Variants in AGAP1 observed in about 807,000 individuals in gnomAD.
The protein encoded by AGAP1 is ArfGAP with GTPase domain, ankyrin repeat and PH domain 1, also known as arf-GAP with GTPase, ANK repeat and PH domain-containing protein 1.
AGAP1 carries 29 observed loss-of-function variants against 105.3 expected under a neutral mutation model. The observed-to-expected ratio is 0.28, with a 90% CI of 0.21 to 0.38. The LOEUF (loss-of-function observed/expected upper bound fraction) is 0.38. Ranked by LOEUF, AGAP1 falls within the 10% of genes least tolerant of loss-of-function variation. The probability of loss-of-function intolerance (pLI) is 1.00; values close to 1 mark genes in which losing one functional copy is unlikely to be tolerated. For synonymous variants in AGAP1, 509 were observed against 485.9 expected, an observed-to-expected ratio of 1.05 and a Z score of -0.63; for missense variants, 998 against 1,165.1, an observed-to-expected ratio of 0.86 and a Z score of 2.09.
rs1044270870 is a variant in AGAP1, at chr2:235,843,103, C to CT, written c.1050+35774dup. The stretch of plus-strand genomic sequence containing the variant: ...AAGTGCTCATTGTCCTGTTGCCACC[C>CT]TTGTCGGTTTTTCACCCTGCAGCCC... On this transcript the variant is annotated intron_variant, in intron 9 of 17. Coordinates refer to ENST00000304032, the MANE Select transcript of AGAP1 (RefSeq NM_001037131.3). The surrounding 1 kb of genome is among the most constrained non-coding windows in gnomAD (Gnocchi z 5.9). Among the ~76,000 whole-genome samples the CT allele has an allele frequency of 2.0e-5, 3 of 152,204 alleles. No individual in the cohort carries two copies. Among genetic ancestry groups the CT allele is most frequent in the African/African-American group, 7.2e-5 (3 of 41,462 alleles).
Position 235,642,553 on chromosome 2 carries a change from A to G in AGAP1, c.164-66626A>G, listed in dbSNP as rs940467410. 6.6e-6 allele frequency among the ~76,000 whole-genome samples: 1 copy of G among 152,082 alleles called. No individual in the cohort carries two copies. Among genetic ancestry groups the G allele is most frequent in the Admixed American group, 6.5e-5 (1 of 15,270 alleles). On this transcript the variant is annotated intron_variant, in intron 1 of 17. Coordinates refer to ENST00000304032, the MANE Select transcript of AGAP1 (RefSeq NM_001037131.3). The surrounding 1 kb of genome is among the most constrained non-coding windows in gnomAD (Gnocchi z 4.1). ...TTCTCCACCTTCCACTTGTCCTAAC[A>G]GCTGTCGGGACCATCATCCACCAGG...
chr2:235,630,695 G>T (rs1946799536), intron 1 of AGAP1, among the ~76,000 whole-genome samples: 1 of 152,186 alleles, frequency 6.6e-6, no homozygotes, highest in Non-Finnish European at 1.5e-5. Flanking sequence ...CAAGTTAATT[G>T]GTCCTGCTCC....
chr2:235,882,409 G>C lies in AGAP1; in HGVS notation c.1051-936G>C. ...TGCCCAGTGGTCTCTTTGGTCGGCA[G>C]GGTGTTCTTCTCCTGCGTCTCCGTT... On this transcript the variant is annotated intron_variant, in intron 9 of 17. Coordinates refer to ENST00000304032, the MANE Select transcript of AGAP1 (RefSeq NM_001037131.3). The surrounding 1 kb of genome is among the most constrained non-coding windows in gnomAD (Gnocchi z 4.6). The C allele has an allele frequency of 6.3e-7, 1 of 1,582,672 alleles. No individual in the cohort carries two copies. The highest frequency in any genetic ancestry group is 8.7e-7 in the Non-Finnish European group (1 of 1,155,714).
intron 13 of AGAP1, among the ~76,000 whole-genome samples, chr2:236,022,723 T>C (rs907354712): frequency 2.0e-5 from 3 of 152,074 alleles, no homozygotes; most frequent in African/African-American, 4.8e-5. Context: ...TTGGTAGAGA[T>C]GGAATTTTGC....
chr2:236,026,263 C>T (rs1345268585), intron 13 of AGAP1, among the ~76,000 whole-genome samples: 3 of 152,194 alleles, frequency 2.0e-5, no homozygotes, highest in African/African-American at 7.2e-5. Flanking sequence ...AGGGACATCA[C>T]GTGCTCCAGT....
In AGAP1 at chr2:235,665,069, A is replaced by T. The variant is rs193209780; in HGVS notation, c.164-44110A>T. Among the ~76,000 whole-genome samples, 594 of 152,280 alleles carry T rather than the reference A, an allele frequency of 3.9e-3. 3 individuals are homozygous for T. Among genetic ancestry groups the T allele is most frequent in the African/African-American group, 0.013 (549 of 41,556 alleles). ...GACCCTCCTCTCTACAAAAAAATTT[A>T]AAAATTAGCCAGGGGTGGTGACATG... On this transcript the variant is annotated intron_variant, in intron 1 of 17. Coordinates refer to ENST00000304032, the MANE Select transcript of AGAP1 (RefSeq NM_001037131.3). The surrounding 1 kb of genome is among the most constrained non-coding windows in gnomAD (Gnocchi z 5.3).
In AGAP1 at chr2:236,073,081, C is replaced by T. The variant is rs2058546282; in HGVS notation, c.2114+23800C>T. ...TGCAATCTCAGCTCACTGCAACTTC[C>T]GCCTCCCAGATTCGAGCGATTCTCC... On this transcript the variant is annotated intron_variant, in intron 16 of 17. Coordinates refer to ENST00000304032, the MANE Select transcript of AGAP1 (RefSeq NM_001037131.3). The surrounding 1 kb of genome is among the most constrained non-coding windows in gnomAD (Gnocchi z 5.4). 6.6e-6 allele frequency among the ~76,000 whole-genome samples: 1 copy of T among 151,974 alleles called. No homozygotes were observed. Among genetic ancestry groups the T allele is most frequent in the Admixed American group, 6.6e-5 (1 of 15,242 alleles).
At position 235,733,517 on chromosome 2, in the gene AGAP1, G is replaced by GGCTTTAATGTTTCCTCCTTTCCT. The variant is rs1437375820; in HGVS notation, c.311-7432_311-7431insTCCTTTCCTGCTTTAATGTTTCC. ...TTGGATGGTGAAGTTCCTTCCTTCT[G>GGCTTTAATGTTTCCTCCTTTCCT]GCTTTAATGTTTCCCCCTTGTTTTA... On this transcript the variant is annotated intron_variant, in intron 3 of 17. Coordinates refer to ENST00000304032, the MANE Select transcript of AGAP1 (RefSeq NM_001037131.3). The surrounding 1 kb of genome is among the most constrained non-coding windows in gnomAD (Gnocchi z 5.0). Among the ~76,000 whole-genome samples, 1 of 152,146 alleles carries GGCTTTAATGTTTCCTCCTTTCCT rather than the reference G, an allele frequency of 6.6e-6. No homozygotes were observed. The highest frequency in any genetic ancestry group is 1.5e-5 in the Non-Finnish European group (1 of 68,024).
At chr2:235,881,386 A>G (rs1028002346) in intron 9 of AGAP1, among the ~76,000 whole-genome samples, 3 of 152,186 alleles carry the variant, frequency 2.0e-5, no homozygotes, top group Admixed American at 6.5e-5. Flanking sequence ...TGTATTTCAA[A>G]ACTCATAACT....
At chr2:235,894,634 T>TACACACACACAC in intron 10 of AGAP1, among the ~76,000 whole-genome samples, 1 of 24,260 alleles carries the variant, frequency 4.1e-5, no homozygotes, top group South Asian at 1.1e-3. Context: ...CATGCACATG[T>TACACACACACAC]ACACACACAC....
chr2:235,891,187 T>C lies in AGAP1; in HGVS notation c.1155+7738T>C, dbSNP rs374422211. On this transcript the variant is annotated intron_variant, in intron 10 of 17. Transcript: ENST00000304032. This position sits in a 1 kb window ranked among gnomAD's most constrained non-coding sequence, Gnocchi z 4.2. ...GACCTGGCCGCACTTGCTGCAGTAC[T>C]GACCGCCCTAACAGCTCCTTTATCT... Among the ~76,000 whole-genome samples, 12 of 152,298 alleles carry C rather than the reference T, an allele frequency of 7.9e-5. No individual in the cohort carries two copies. The highest frequency in any genetic ancestry group is 2.9e-4 in the African/African-American group (12 of 41,572).
At chr2:235,538,460 T>TGTGTGTGTGTGTGTGCGC (rs1553561884) in intron 1 of AGAP1, among the ~76,000 whole-genome samples, 5 of 150,446 alleles carry the variant, frequency 3.3e-5, no homozygotes, top group African/African-American at 1.0e-4. Flanking sequence ...TGTGTGTGTG[T>TGTGTGTGTGTGTGTGCGC]GCATGCTTGT....
At chr2:235,782,612 C>T (rs1403234046) in intron 6 of AGAP1, among the ~76,000 whole-genome samples, 1 of 152,070 alleles carries the variant, frequency 6.6e-6, no homozygotes, top group Non-Finnish European at 1.5e-5. Context: ...AATGAATTTG[C>T]AAAAGCATCA....
chr2:236,011,233 T>C (rs2056503051), intron 13 of AGAP1, among the ~76,000 whole-genome samples: 1 of 152,210 alleles, frequency 6.6e-6, no homozygotes, highest in Non-Finnish European at 1.5e-5. Context: ...GGGACAGTGC[T>C]GTCCTCCCAC....
chr2:235,745,877 C>T (rs13387811), intron 5 of AGAP1, among the ~76,000 whole-genome samples: 3,292 of 152,322 alleles, frequency 0.022, 103 homozygotes, highest in African/African-American at 0.068. Context: ...CCTGTAATTC[C>T]AGCACTTTGG....
At chr2:235,948,169 G>T (rs534876068) in intron 12 of AGAP1, among the ~76,000 whole-genome samples, 19 of 151,966 alleles carry the variant, frequency 1.3e-4, no homozygotes, top group East Asian at 1.2e-3. Flanking sequence ...GTTTTCTGGG[G>T]TTTTTTTTGT....
At position 235,750,586 on chromosome 2, in the gene AGAP1, A is replaced by AAAT. The variant is rs1266776314; in HGVS notation, c.673+100_673+102dup. On this transcript the variant is annotated intron_variant, in intron 6 of 17. Transcript: ENST00000304032. The surrounding 1 kb of genome is among the most constrained non-coding windows in gnomAD (Gnocchi z 5.3). ...CTGCACTTGTGCATGTGGGTGGTGG[A>AAAT]AATATGTCGTTGATGGGTGGGCATT... is the stretch of plus-strand genomic sequence containing the variant. The AAAT allele has an allele frequency of 5.8e-6, 9 of 1,564,566 alleles. No homozygotes were observed. Among genetic ancestry groups the AAAT allele is most frequent in the Non-Finnish European group, 7.9e-6 (9 of 1,141,404 alleles).
At position 235,865,419 on chromosome 2, in the gene AGAP1, T is replaced by C. The variant is rs1394702461; in HGVS notation, c.1051-17926T>C. Among the ~76,000 whole-genome samples the C allele has an allele frequency of 6.6e-6, 1 of 152,180 alleles. No individual in the cohort carries two copies. The highest frequency in any genetic ancestry group is 2.4e-5 in the African/African-American group (1 of 41,450). ...AACACGTGTGGCGCCGACCCCGCCG[T>C]GCGCAATCGGGGCTTTATACGATTG... is the stretch of plus-strand genomic sequence containing the variant. On this transcript the variant is annotated intron_variant, in intron 9 of 17. Transcript: ENST00000304032. The surrounding 1 kb of genome is among the most constrained non-coding windows in gnomAD (Gnocchi z 6.2).
chr2:235,516,822 G>A (rs1408968079), intron 1 of AGAP1, among the ~76,000 whole-genome samples: 1 of 152,202 alleles, frequency 6.6e-6, no homozygotes, highest in Non-Finnish European at 1.5e-5. Flanking sequence ...GTGCCATGTG[G>A]GACTCTGTTC....
Sources: allele counts gnomAD v4.1 joint callset (sites outside exome capture counted in the v4.1 genomes callset), GRCh38; gene constraint gnomAD v4.1.1; non-coding constraint Gnocchi (gnomAD v3.1); transcripts MANE v1.5; gene names NCBI Gene and HGNC (gene_info 2026-07-23, HGNC 2026-07-21).